The following EPHB6 variants were observed in gnomAD, a reference collection of about 807,000 sequenced individuals.
EPHB6 encodes the protein ephrin type-B receptor 6.
Under a neutral mutation model 107.0 loss-of-function variants are expected in EPHB6, and 51 were observed. The ratio of observed to expected loss-of-function variants is 0.48; its 90% CI spans 0.38 to 0.60. The LOEUF is 0.60. EPHB6 is among the 20% of genes least tolerant of loss of function. The pLI is 0.00. For synonymous variants in EPHB6, 553 were observed against 549.0 expected, an observed-to-expected ratio of 1.01 and a Z score of -0.10; for missense variants, 1,141 against 1,355.5, an observed-to-expected ratio of 0.84 and a Z score of 2.48.
At position 142,867,870 on chromosome 7, in the gene EPHB6, T is replaced by TG; in HGVS notation, c.1866-124dup. 1.4e-6 allele frequency: 2 copies of TG among 1,465,802 alleles called. No individual in the cohort carries two copies. Among genetic ancestry groups the TG allele is most frequent in the Non-Finnish European group, 1.9e-6 (2 of 1,071,602 alleles). 90.8% of individuals were successfully genotyped at this position (1,465,802 alleles called of 1,614,324 possible). On this transcript the variant is annotated intron_variant, in intron 12 of 19. Coordinates refer to ENST00000652003, the MANE Select transcript of EPHB6 (RefSeq NM_004445.6). The surrounding 1 kb of genome is among the most constrained non-coding windows in gnomAD (Gnocchi z 5.3). Reference sequence around the variant, plus strand: ...CCCTGCCCTGGGCCCCACGTGGAGATGGGCAGGAGGGCCAGGCTGTCGTCC... The same window carrying TG: ...CCCTGCCCTGGGCCCCACGTGGAGATGGGGCAGGAGGGCCAGGCTGTCGTCC...
Position 142,868,826 on chromosome 7 carries a change from CCCCACCTTCCATGGTCTCCGTCCTTCCTT to C in EPHB6, c.2286+92_2287-115del. On this transcript the variant is annotated intron_variant, in intron 15 of 19. Coordinates refer to ENST00000652003, the MANE Select transcript of EPHB6 (RefSeq NM_004445.6). This position sits in a 1 kb window ranked among gnomAD's most constrained non-coding sequence, Gnocchi z 4.2. ...GGTCCTGTATCTTTGCTTCTTACCA[CCCCACCTTCCATGGTCTCCGTCCTTCCTT>C]CCCAGCCATTTTCTGATTCGACACC... The C allele has an allele frequency of 1.2e-6, 2 of 1,607,270 alleles. No individual in the cohort carries two copies. The highest frequency in any genetic ancestry group is 1.7e-6 in the Non-Finnish European group (2 of 1,177,078).
rs762177890 is a variant in EPHB6 at position 142,864,513 on chromosome 7, G to A, written c.713G>A (p.Arg238Gln). 2.5e-5 allele frequency: 40 copies of A among 1,613,486 alleles called. No individual in the cohort carries two copies. Among genetic ancestry groups the A allele is most frequent in the Admixed American group, 1.3e-4 (8 of 60,026 alleles). The change falls in exon 7 of 20, where the codon CGA becomes CAA. Residue 238 changes from arginine (R) to glutamine (Q), a missense_variant. Transcript: ENST00000652003. ...LFSYTCPAVL[R>Q]SFASFPETQA... The stretch of plus-strand genomic sequence containing the variant: ...TCCTACACCTGCCCTGCCGTGCTCC[G>A]ATCCTTTGCTTCCTTTCCAGAGACG...
Position 142,869,235 on chromosome 7 carries a change from T to C in EPHB6, c.2460+88T>C, listed in dbSNP as rs1280121791. The C allele has an allele frequency of 3.4e-6, 5 of 1,474,568 alleles. No homozygotes were observed. The African/African-American group carries it at 6.9e-5, about 20-fold the overall frequency. The allele number at this position is 1,474,568 out of a possible 1,614,324, so 91.3% of individuals were successfully genotyped here. On this transcript the variant is annotated intron_variant, in intron 16 of 19. Transcript: ENST00000652003. This position sits in a 1 kb window ranked among gnomAD's most constrained non-coding sequence, Gnocchi z 4.5. ...GTCGGGGGTGAGCTGGAATCTGGGG[T>C]AGGTACCTCAGCCGGGGTGTCATAG...
Position 142,870,526 on chromosome 7 carries a change from T to C in EPHB6, c.2805-4T>C. On this transcript the variant is annotated splice_region_variant and splice_polypyrimidine_tract_variant and intron_variant, in intron 18 of 19. Coordinates refer to ENST00000652003, the MANE Select transcript of EPHB6 (RefSeq NM_004445.6). ...CTTGACCCTGCTTGCCCCTCCCCTC[T>C]TAGGCCTTCCCAGGCCCTTCTGACC... The C allele has an allele frequency of 6.2e-7, 1 of 1,614,202 alleles. No homozygotes were observed. Among genetic ancestry groups the C allele is most frequent in the African/African-American group, 1.3e-5 (1 of 75,068 alleles).
rs1803041318 is a variant in EPHB6 at position 142,864,555 on chromosome 7, G to C, written c.755G>C (p.Gly252Ala). The C allele has an allele frequency of 6.2e-7, 1 of 1,613,148 alleles. No homozygotes were observed. The highest frequency in any genetic ancestry group is 1.3e-5 in the African/African-American group (1 of 74,930). ...CCAGAGACGCAGGCCAGTGGGGCTG[G>C]GGGGGCCTCCCTGGTGGCAGCTGTG... is the stretch of plus-strand genomic sequence containing the variant. The part of the protein sequence containing the change: ...SFPETQASGA[G>A]GASLVAAVGT... Residue 252 changes from glycine to alanine, a missense_variant, in exon 7 of 20, where the codon GGG becomes GCG. Gly to Ala is a moderately conservative substitution (Grantham distance 60). Coordinates refer to ENST00000652003, the MANE Select transcript of EPHB6 (RefSeq NM_004445.6).
In EPHB6 at chr7:142,866,382, C is replaced by G. The variant is rs1794597581; in HGVS notation, c.1462+66C>G. ...CTCCTTTGAGCCCCCTTCCCTACTC[C>G]TGATCTCCAGCCTGGTCCACCCCTG... On this transcript the variant is annotated intron_variant, in intron 9 of 19. Coordinates refer to ENST00000652003, the MANE Select transcript of EPHB6 (RefSeq NM_004445.6). The surrounding 1 kb of genome is among the most constrained non-coding windows in gnomAD (Gnocchi z 5.2). 6.2e-7 allele frequency: 1 copy of G among 1,611,914 alleles called. No homozygotes were observed. The highest frequency in any genetic ancestry group is 1.3e-5 in the African/African-American group (1 of 75,002).
rs757039874 is a variant in EPHB6, at chr7:142,868,661, G to A, written c.2208G>A (p.Glu736=). 2 of 1,613,958 alleles carry A rather than the reference G, an allele frequency of 1.2e-6. No individual in the cohort carries two copies. The highest frequency in any genetic ancestry group is 1.7e-6 in the Non-Finnish European group (2 of 1,180,022). The change falls in exon 15 of 20, where the codon GAG becomes GAA. Residue 736 remains glutamate, a synonymous_variant. Coordinates refer to ENST00000652003, the MANE Select transcript of EPHB6 (RefSeq NM_004445.6). This position sits in a 1 kb window ranked among gnomAD's most constrained non-coding sequence, Gnocchi z 4.2. ...QFQHPNILRL[E]GVVTKSRPLM... ...AGCACCCCAACATCCTGCGGCTGGAGGGCGTGGTCACCAAGAGCCGACCCC... is the reference window on the plus strand; with the variant it reads ...AGCACCCCAACATCCTGCGGCTGGAAGGCGTGGTCACCAAGAGCCGACCCC...
At position 142,864,283 on chromosome 7, in the gene EPHB6, C is replaced by T. The variant is rs765672490; in HGVS notation, c.483C>T (p.Asp161=). 2.2e-5 allele frequency: 35 copies of T among 1,603,724 alleles called. No individual in the cohort carries two copies. Among genetic ancestry groups the T allele is most frequent in the South Asian group, 5.5e-5 (5 of 90,566 alleles). ...RWTKVDTIAA[D]ESFPSSSSSS... ...CCAAGGTGGACACAATTGCAGCAGA[C>T]GAGAGCTTTCCCTCCTCCTCCTCCT... Residue 161 remains aspartate, a synonymous_variant, in exon 7 of 20, where the codon GAC becomes GAT. Coordinates refer to ENST00000652003, the MANE Select transcript of EPHB6 (RefSeq NM_004445.6).
Position 142,870,348 on chromosome 7 carries a change from A to G in EPHB6, c.2745A>G (p.Ala915=), listed in dbSNP as rs1336634976. The G allele has an allele frequency of 5.0e-6, 8 of 1,614,100 alleles. No homozygotes were observed. Among genetic ancestry groups the G allele is most frequent in the Non-Finnish European group, 5.9e-6 (7 of 1,180,058 alleles). The stretch of plus-strand genomic sequence containing the variant: ...CTCATTTTGACCAGCTGGTGGCTGC[A>G]TTTGACAAGATGATCCGCAAGCCAG... The part of the protein sequence containing the change: ...RRPHFDQLVA[A]FDKMIRKPDT... Residue 915 remains alanine, a synonymous_variant, in exon 18 of 20, where the codon GCA becomes GCG. Coordinates refer to ENST00000652003, the MANE Select transcript of EPHB6 (RefSeq NM_004445.6).
At chr7:142,861,784 A>C (rs1802852320) in intron 2 of EPHB6, among the ~76,000 whole-genome samples, 1 of 152,228 alleles carries the variant, frequency 6.6e-6, no homozygotes, top group Non-Finnish European at 1.5e-5. Flanking sequence ...AACCCATACA[A>C]GTATACAGTA....
rs1159536755 is a variant in EPHB6, at chr7:142,866,168, G to T, written c.1314G>T (p.Gln438His). 3.7e-6 allele frequency: 6 copies of T among 1,614,140 alleles called. No homozygotes were observed. The highest frequency in any genetic ancestry group is 4.2e-6 in the Non-Finnish European group (5 of 1,180,036). Residue 438 changes from glutamine to histidine, a missense_variant, in exon 9 of 20, where the codon CAG becomes CAT. By Grantham distance (24) the Gln-to-His change is conservative. This residue lies in a region of EPHB6 where 304 missense variants were observed against 295.7 expected (regional missense o/e 1.03). Transcript: ENST00000652003. This position sits in a 1 kb window ranked among gnomAD's most constrained non-coding sequence, Gnocchi z 5.2. ...ATGAGGTCCACTTCGACCCTCGCCA[G>T]AGAGGCCTGACTGAGAGCCGAGTGT... ...CRDEVHFDPR[Q>H]RGLTESRVLV...
intron 1 of EPHB6, among the ~76,000 whole-genome samples, chr7:142,859,178 C>T (rs1160523495): frequency 6.6e-6 from 1 of 152,150 alleles, no homozygotes; most frequent in Non-Finnish European, 1.5e-5. Flanking sequence ...AGAGGACTCT[C>T]AAGCAGGCTG....
At position 142,864,416 on chromosome 7, in the gene EPHB6, A is replaced by G; in HGVS notation, c.616A>G (p.Thr206Ala). The change falls in exon 7 of 20, where the codon ACC becomes GCC. Residue 206 changes from threonine (T) to alanine (A), a missense_variant. Transcript: ENST00000652003. ...NVKERSFGPL[T>A]QRGFYVAFQD... ...CAAAGAGCGGAGCTTTGGGCCTCTC[A>G]CCCAACGCGGCTTCTACGTGGCCTT... The G allele has an allele frequency of 6.2e-7, 1 of 1,612,006 alleles. No homozygotes were observed. Among genetic ancestry groups the G allele is most frequent in the South Asian group, 1.1e-5 (1 of 91,052 alleles).
rs2116476641 is a variant in EPHB6, at chr7:142,869,004, C to A, written c.2317C>A (p.Leu773Met). Residue 773 changes from leucine to methionine, a missense_variant, in exon 16 of 20, where the codon CTG becomes ATG. Around this residue, in one of 3 missense-constraint regions of EPHB6, gnomAD observed 616 missense variants for 759.3 expected, o/e 0.81. Coordinates refer to ENST00000652003, the MANE Select transcript of EPHB6 (RefSeq NM_004445.6). The surrounding 1 kb of genome is among the most constrained non-coding windows in gnomAD (Gnocchi z 4.5). ...GGAGGGCCAGTTCAGCAGCCTGCAG[C>A]TGGTGGCCATGCAGCGGGGAGTGGC... ...QREGQFSSLQ[L>M]VAMQRGVAAA... is the part of the protein sequence containing the mutation. 1.9e-6 allele frequency: 3 copies of A among 1,611,544 alleles called. No homozygotes were observed. The highest frequency in any genetic ancestry group is 2.5e-6 in the Non-Finnish European group (3 of 1,179,946).
Position 142,867,640 on chromosome 7 carries a change from T to C in EPHB6, c.1783T>C (p.Ser595Pro). 6.2e-7 allele frequency: 1 copy of C among 1,613,534 alleles called. No individual in the cohort carries two copies. The highest frequency in any genetic ancestry group is 8.5e-7 in the Non-Finnish European group (1 of 1,179,930). Reference protein sequence around the residue: ...ELSSQLPERLSLVIGSILGAL... With the variant: ...ELSSQLPERLPLVIGSILGAL... ...GTCTTCCCAGCTTCCAGAAAGACTC[T>C]CCTTGGTGATCGGCTCCATCCTGGG... Residue 595 changes from serine to proline, a missense_variant, in exon 12 of 20, where the codon TCC becomes CCC. Around this residue, in one of 3 missense-constraint regions of EPHB6, gnomAD observed 616 missense variants for 759.3 expected, o/e 0.81. Coordinates refer to ENST00000652003, the MANE Select transcript of EPHB6 (RefSeq NM_004445.6). This position sits in a 1 kb window ranked among gnomAD's most constrained non-coding sequence, Gnocchi z 5.3.
In EPHB6 at chr7:142,855,329, G is replaced by C. The variant is rs1802549832; in HGVS notation, c.-488G>C. 1 of 152,242 alleles carries C rather than the reference G, an allele frequency of 6.6e-6. No individual in the cohort carries two copies. Among genetic ancestry groups the C allele is most frequent in the Admixed American group, 6.5e-5 (1 of 15,284 alleles). 9.4% of individuals were successfully genotyped at this position (152,242 alleles called of 1,614,324 possible). A position where few individuals can be genotyped will look rare whatever the true frequency, so the allele number is the denominator to read the frequency against. On this transcript the variant is annotated 5_prime_UTR_variant, in exon 1 of 20. Transcript: ENST00000652003. This position sits in a 1 kb window ranked among gnomAD's most constrained non-coding sequence, Gnocchi z 4.2. ...CACCGTGCGAGCTCCAGGAGCCCCG[G>C]GTCCACTGCGAGGCCTCGGGGGGCG...
rs1201600721 is a variant in EPHB6 at position 142,868,279 on chromosome 7, G to A, written c.1957G>A (p.Glu653Lys). 1.1e-5 allele frequency: 18 copies of A among 1,613,956 alleles called. No homozygotes were observed. Among genetic ancestry groups the A allele is most frequent in the Non-Finnish European group, 1.4e-5 (17 of 1,180,014 alleles). Reference protein sequence around the residue: ...VKYYIDPSTYEDPCQAIRELA... With the variant: ...VKYYIDPSTYKDPCQAIRELA... ...GTATTACATCGACCCCTCCACCTAC[G>A]AGGACCCCTGTCAGGCCATCCGAGA... Residue 653 changes from glutamate to lysine, a missense_variant, in exon 14 of 20, where the codon GAG (glutamate) becomes AAG (lysine). This residue lies in a region of EPHB6 where 616 missense variants were observed against 759.3 expected (regional missense o/e 0.81). Transcript: ENST00000652003. This position sits in a 1 kb window ranked among gnomAD's most constrained non-coding sequence, Gnocchi z 4.2.
chr7:142,863,524 A>G (rs1802950289), intron 5 of EPHB6, 107 bp from the exon 6 acceptor site: 1 of 1,399,952 alleles, frequency 7.1e-7, no homozygotes, highest in East Asian at 2.3e-5. Context: ...GCTGGCAAAG[A>G]CATGGGCCCG....
intron 3 of EPHB6, among the ~76,000 whole-genome samples, chr7:142,862,369 T>A (rs1227925130): frequency 2.6e-5 from 4 of 152,230 alleles, no homozygotes; most frequent in Non-Finnish European, 5.9e-5. Flanking sequence ...ACAAGAAGCA[T>A]CTTTTCATAT....
Sources: gnomAD v4.1 joint callset for allele counts (sites outside exome capture counted in the v4.1 genomes callset) on GRCh38, gnomAD v4.1.1 for gene constraint, gnomAD v4.1.1 regional missense constraint, Gnocchi (gnomAD v3.1) non-coding constraint, MANE v1.5 for transcripts, NCBI Gene and HGNC (gene_info 2026-07-23, HGNC 2026-07-21) for gene names.